Variants in ASTN1 observed in about 807,000 individuals in gnomAD.
ASTN1 encodes astrotactin-1.
ASTN1 carries 41 observed loss-of-function variants against 140.7 expected under a neutral mutation model. The observed-to-expected ratio is 0.29, with a 90% CI of 0.23 to 0.38. The LOEUF is 0.38. ASTN1 is among the 10% of genes least tolerant of loss of function. The probability of loss-of-function intolerance (pLI) is 1.00; values close to 1 mark genes in which losing one functional copy is unlikely to be tolerated. For missense variants in ASTN1, 1,479 were observed against 1,678.8 expected, an observed-to-expected ratio of 0.88 and a Z score of 2.08; for synonymous variants, 640 against 652.2, an observed-to-expected ratio of 0.98 and a Z score of 0.29.
chr1:176,989,889 T>C (rs1674078427), intron 8 of ASTN1, among the ~76,000 whole-genome samples: 1 of 151,910 alleles, frequency 6.6e-6, no homozygotes, highest in Non-Finnish European at 1.5e-5. Context: ...GCTCCAATTA[T>C]CCAGCCTGAA....
chr1:176,954,433 C>T (rs1157338190), intron 11 of ASTN1, among the ~76,000 whole-genome samples: 4 of 152,132 alleles, frequency 2.6e-5, no homozygotes, highest in African/African-American at 7.2e-5. Flanking sequence ...GGAATGGATT[C>T]CCCCTAGAGC....
chr1:177,133,497 C>T (rs1381655216), intron 1 of ASTN1, among the ~76,000 whole-genome samples: 3 of 152,166 alleles, frequency 2.0e-5, no homozygotes, highest in African/African-American at 7.2e-5. Context: ...ACTCATCAAG[C>T]CTTTCTCTTT....
chr1:177,143,203 G>T (rs960109817), intron 1 of ASTN1, among the ~76,000 whole-genome samples: 3 of 152,180 alleles, frequency 2.0e-5, no homozygotes, highest in African/African-American at 7.2e-5. Context: ...TTGCATTTAT[G>T]TTGGAGAAAA....
At chr1:176,931,450 G>T (rs1026098041) in intron 16 of ASTN1, among the ~76,000 whole-genome samples, 1 of 152,034 alleles carries the variant, frequency 6.6e-6, no homozygotes, top group African/African-American at 2.4e-5. Flanking sequence ...TGGGTAACAA[G>T]AGCAAAACTC....
chr1:177,158,998 T>C (rs991286346), intron 1 of ASTN1, among the ~76,000 whole-genome samples: 11 of 137,524 alleles, frequency 8.0e-5, no homozygotes, highest in African/African-American at 3.0e-4. Context: ...ATCTGAGAGG[T>C]GGAGGTTGCA....
At chr1:176,936,162 C>T (rs1671434449) in intron 15 of ASTN1, 104 bp downstream of exon 15, 1 of 975,638 alleles carries the variant, frequency 1.0e-6, no homozygotes, top group Non-Finnish European at 1.6e-6. Flanking sequence ...GCAATAGCTA[C>T]ATTTTAGGCT....
chr1:177,042,766 G>A (rs1037667725), intron 2 of ASTN1, among the ~76,000 whole-genome samples: 1 of 152,218 alleles, frequency 6.6e-6, no homozygotes, highest in Non-Finnish European at 1.5e-5. Flanking sequence ...CATTAATGAT[G>A]TTGTTTTATG....
intron 8 of ASTN1, among the ~76,000 whole-genome samples, chr1:177,002,584 G>T (rs755062202): frequency 2.0e-5 from 3 of 151,794 alleles, no homozygotes; most frequent in Non-Finnish European, 1.5e-5. Flanking sequence ...TTTATCACAC[G>T]CATTCCTTTT....
chr1:176,987,706 G>GTTAATT (rs1166789183), intron 8 of ASTN1, among the ~76,000 whole-genome samples: 22 of 152,140 alleles, frequency 1.4e-4, no homozygotes, highest in Non-Finnish European at 2.9e-4. Flanking sequence ...TAATTCCCAG[G>GTTAATT]CTCTTTCTTT....
intron 22 of ASTN1, among the ~76,000 whole-genome samples, chr1:176,865,148 C>T (rs1668087877): frequency 6.6e-6 from 1 of 152,182 alleles, no homozygotes; most frequent in Admixed American, 6.5e-5. Flanking sequence ...TCTCCACCTC[C>T]CTCAGAAAGT....
chr1:176,881,882 G>C (rs1668813968), intron 20 of ASTN1, among the ~76,000 whole-genome samples: 1 of 152,122 alleles, frequency 6.6e-6, no homozygotes, highest in Non-Finnish European at 1.5e-5. Flanking sequence ...TTTAACTGTG[G>C]AAATAGACAT....
At chr1:176,881,159 T>G (rs1288779188) in intron 20 of ASTN1, among the ~76,000 whole-genome samples, 2 of 152,206 alleles carry the variant, frequency 1.3e-5, no homozygotes, top group Non-Finnish European at 2.9e-5. Context: ...CACGGCCCTC[T>G]TCTTGTGATC....
intron 8 of ASTN1, among the ~76,000 whole-genome samples, chr1:176,969,973 A>G (rs1372534088): frequency 1.3e-5 from 2 of 152,228 alleles, no homozygotes; most frequent in Admixed American, 6.5e-5. Context: ...AGAGGAGCCC[A>G]TTGTAACGGA....
rs1667992069 is a variant in ASTN1 at position 176,862,192 on chromosome 1, T to A, written c.*2092A>T. 2 of 985,260 alleles carry A rather than the reference T, an allele frequency of 2.0e-6. 1 individual carries two copies. Among genetic ancestry groups the A allele is most frequent in the South Asian group, 9.4e-5 (2 of 21,276 alleles). The allele number at this position is 985,260 out of a possible 1,614,324, so 61.0% of individuals were successfully genotyped here. ...CATTTGCCACAGGTGGGACAGCCAA[T>A]TTTTCTGCTGATCTTTGCTTTGAAA... On this transcript the variant is annotated 3_prime_UTR_variant, in exon 23 of 23. Transcript: ENST00000361833.
chr1:177,146,942 C>A (rs1384502285), intron 1 of ASTN1, among the ~76,000 whole-genome samples: 1 of 151,956 alleles, frequency 6.6e-6, no homozygotes, highest in Non-Finnish European at 1.5e-5. Context: ...CATTTTTTCA[C>A]TTGGAATATT....
chr1:176,914,787 A>G (rs1296601632), intron 16 of ASTN1, among the ~76,000 whole-genome samples: 1 of 152,232 alleles, frequency 6.6e-6, no homozygotes, highest in East Asian at 1.9e-4. Context: ...TGGGGTAGCA[A>G]CCGTGTACAG....
At chr1:176,885,354 G>A (rs529302614) in intron 18 of ASTN1, among the ~76,000 whole-genome samples, 1 of 152,232 alleles carries the variant, frequency 6.6e-6, no homozygotes, top group East Asian at 1.9e-4. Flanking sequence ...ATCCTTGTTG[G>A]CATTCACTGG....
In ASTN1 at chr1:176,945,977, T is replaced by C; in HGVS notation, c.2198A>G (p.Asn733Ser). 1 of 1,614,048 alleles carries C rather than the reference T, an allele frequency of 6.2e-7. No individual in the cohort carries two copies. Among genetic ancestry groups the C allele is most frequent in the East Asian group, 2.2e-5 (1 of 44,872 alleles). The part of the protein sequence containing the change: ...TLFGEMFFGY[N>S]NHSKEVAAGQ... ...GGCAGCCACTTCCTTGGAATGGTTG[T>C]TGTAACCAAAGAACATCTCCCCAAA... The change falls in exon 13 of 23, where the codon AAC (asparagine) becomes AGC (serine). Residue 733 changes from asparagine to serine, a missense_variant. Asn to Ser is a conservative substitution (Grantham distance 46). Around this residue, in one of 3 missense-constraint regions of ASTN1, gnomAD observed 746 missense variants for 800.9 expected, o/e 0.93. Transcript: ENST00000361833.
downstream of ASTN1, chr1:176,857,436 A>G (rs1667846325): frequency 7.4e-6 from 3 of 403,300 alleles, no homozygotes; most frequent in Non-Finnish European, 8.8e-6. Flanking sequence ...TTGGGATTAT[A>G]GAAGGACAAA....
Sources: gnomAD v4.1 joint callset for allele counts (sites outside exome capture counted in the v4.1 genomes callset) on GRCh38, gnomAD v4.1.1 for gene constraint, gnomAD v4.1.1 regional missense constraint, MANE v1.5 for transcripts, NCBI Gene and HGNC (gene_info 2026-07-23, HGNC 2026-07-21) for gene names.